CLVS1: variants seen among roughly 807,000 people sequenced by gnomAD.
CLVS1 encodes the protein clavesin 1.
Under a neutral mutation model 33.1 loss-of-function variants are expected in CLVS1, and 10 were observed. The observed-to-expected ratio is 0.30, with a 90% CI of 0.19 to 0.51. The LOEUF (loss-of-function observed/expected upper bound fraction) is 0.51. Ranked by LOEUF, CLVS1 falls within the 20% of genes least tolerant of loss-of-function variation. The pLI is 0.97. For missense variants in CLVS1, 343 were observed against 433.4 expected, an observed-to-expected ratio of 0.79 and a Z score of 1.85; for synonymous variants, 163 against 166.1, an observed-to-expected ratio of 0.98 and a Z score of 0.14.
the CLVS1 span, among the ~76,000 whole-genome samples, chr8:61,050,339 C>T: frequency 1.3e-5 from 2 of 152,232 alleles, no homozygotes; most frequent in Non-Finnish European, 2.9e-5. Flanking sequence ...CACCCTTGTG[C>T]TTTGCTTGCA....
intron 2 of CLVS1, among the ~76,000 whole-genome samples, chr8:61,206,616 T>C (rs1807848617): frequency 6.7e-6 from 1 of 148,218 alleles, no homozygotes; most frequent in South Asian, 2.1e-4. Context: ...TGAGATGGAG[T>C]CTCGCTCTGT....
chr8:61,372,692 C>T (rs1192170118), intron 2 of CLVS1, among the ~76,000 whole-genome samples: 1 of 151,940 alleles, frequency 6.6e-6, no homozygotes, highest in East Asian at 1.9e-4. Context: ...TTAGGCTCCT[C>T]TTGGCTGTGA....
At chr8:61,337,479 C>T (rs1431871893) in intron 2 of CLVS1, among the ~76,000 whole-genome samples, 2 of 152,192 alleles carry the variant, frequency 1.3e-5, no homozygotes, top group African/African-American at 4.8e-5. Flanking sequence ...ACTTGCGCAG[C>T]AGCTGAATGG....
upstream of CLVS1, among the ~76,000 whole-genome samples, chr8:61,055,681 T>G (rs1031987781): frequency 6.6e-6 from 1 of 152,166 alleles, no homozygotes; most frequent in African/African-American, 2.4e-5. Flanking sequence ...TTGAGAGTGG[T>G]TTTGTTCTTC....
At chr8:61,110,092 G>T (rs970381195) in intron 1 of CLVS1, among the ~76,000 whole-genome samples, 2 of 152,128 alleles carry the variant, frequency 1.3e-5, no homozygotes, top group Non-Finnish European at 2.9e-5. Flanking sequence ...GCTGCTAATG[G>T]TGCACGGTTG....
intron 1 of CLVS1, among the ~76,000 whole-genome samples, chr8:61,075,308 T>G (rs983983810): frequency 1.3e-5 from 2 of 151,998 alleles, no homozygotes; most frequent in Non-Finnish European, 2.9e-5. Context: ...GAGCAATGGG[T>G]TGATCCAAAA....
chr8:61,373,870 G>A (rs1479850226), intron 2 of CLVS1, among the ~76,000 whole-genome samples: 2 of 152,182 alleles, frequency 1.3e-5, no homozygotes, highest in Non-Finnish European at 2.9e-5. Flanking sequence ...GTTCAACTAG[G>A]TAGCACTACT....
intron 3 of CLVS1, among the ~76,000 whole-genome samples, chr8:61,423,053 G>A (rs1325889768): frequency 3.3e-5 from 5 of 152,074 alleles, no homozygotes; most frequent in Admixed American, 2.6e-4. Flanking sequence ...TTCTTAATGG[G>A]AAGCTACAAG....
chr8:61,095,891 C>T (rs1016697110), intron 1 of CLVS1, among the ~76,000 whole-genome samples: 1 of 152,208 alleles, frequency 6.6e-6, no homozygotes, highest in African/African-American at 2.4e-5. Context: ...GCATTAGCTA[C>T]TTCTTCATCA....
upstream of CLVS1, among the ~76,000 whole-genome samples, chr8:61,054,125 C>G (rs963059504): frequency 6.6e-6 from 1 of 152,194 alleles, no homozygotes; most frequent in African/African-American, 2.4e-5. Context: ...GGGAGTGCAG[C>G]CTCCTACATG....
intron 1 of CLVS1, among the ~76,000 whole-genome samples, chr8:61,057,960 A>G (rs1033293197): frequency 9.2e-5 from 14 of 152,198 alleles, no homozygotes; most frequent in African/African-American, 3.4e-4. Flanking sequence ...GTGTTGGGAG[A>G]AAAGGTCCCA....
rs1733239383 is a variant in CLVS1, at chr8:61,174,296, A to G, written c.-152+42436A>G. Among the ~76,000 whole-genome samples the G allele has an allele frequency of 2.6e-5, 4 of 152,212 alleles. 1 individual carries two copies. The South Asian group carries it at 8.3e-4, about 32-fold the overall frequency. ...GATGTTAGAATTAGCAGTCAAGGAC[A>G]CTAAAACTGTATTCTGTGTATTCAA... is the stretch of plus-strand genomic sequence containing the variant. On this transcript the variant is annotated intron_variant, in intron 2 of 2. Transcript: ENST00000522621.
At chr8:61,187,207 A>G (rs550744365) in intron 2 of CLVS1, among the ~76,000 whole-genome samples, 79 of 152,314 alleles carry the variant, frequency 5.2e-4, no homozygotes, top group African/African-American at 1.9e-3. Flanking sequence ...GAACTGGGTC[A>G]TAAAGACAGA....
chr8:61,444,482 T>C (rs1450581972), intron 3 of CLVS1, among the ~76,000 whole-genome samples: 1 of 152,234 alleles, frequency 6.6e-6, no homozygotes, highest in Non-Finnish European at 1.5e-5. Flanking sequence ...TCAGTAGATA[T>C]GATCACATGA....
At chr8:61,191,674 A>C (rs1206109668) in intron 2 of CLVS1, among the ~76,000 whole-genome samples, 1 of 93,776 alleles carries the variant, frequency 1.1e-5, no homozygotes, top group Non-Finnish European at 2.5e-5. Context: ...AACTTTGGCA[A>C]AGTCTCAGGA....
chr8:61,164,882 C>T (rs967601138), intron 2 of CLVS1, among the ~76,000 whole-genome samples: 1 of 152,110 alleles, frequency 6.6e-6, no homozygotes, highest in African/African-American at 2.4e-5. Flanking sequence ...CCCTGATGTT[C>T]CTCCAGTCAT....
At chr8:61,381,083 C>T (rs528531959) in intron 3 of CLVS1, among the ~76,000 whole-genome samples, 2 of 152,084 alleles carry the variant, frequency 1.3e-5, no homozygotes, top group East Asian at 1.9e-4. Context: ...TTTTCATGCT[C>T]ATGTCATTAT....
chr8:61,474,869 A>C (rs1025687857), intron 5 of CLVS1, among the ~76,000 whole-genome samples: 7 of 152,212 alleles, frequency 4.6e-5, no homozygotes, highest in African/African-American at 9.7e-5. Flanking sequence ...ATATGTATAC[A>C]TGTGCCATGT....
chr8:60,984,666 C>A, the CLVS1 span, among the ~76,000 whole-genome samples: 2 of 152,296 alleles, frequency 1.3e-5, no homozygotes, highest in African/African-American at 2.4e-5. Flanking sequence ...AAAAATGCTT[C>A]AACTAATACT....
Sources: gnomAD v4.1 joint callset for allele counts (sites outside exome capture counted in the v4.1 genomes callset) on GRCh38, gnomAD v4.1.1 for gene constraint, MANE v1.5 for transcripts, NCBI Gene and HGNC (gene_info 2026-07-23, HGNC 2026-07-21) for gene names.